DHRS7B: variants seen among roughly 807,000 people sequenced by gnomAD.
DHRS7B encodes the protein dehydrogenase/reductase 7B.
In DHRS7B, 24 loss-of-function variants were observed where a neutral mutation model predicts 26.4. That is an observed-to-expected ratio of 0.91 (90% CI 0.66 to 1.28). The LOEUF is 1.28. Among genes scored for constraint, DHRS7B ranks in the 50% most tolerant of loss-of-function variants. The pLI is 0.00. For missense variants in DHRS7B, 368 were observed against 419.4 expected (o/e 0.88, Z 1.07); for synonymous variants, 142 against 166.4 (o/e 0.85, Z 1.13).
At chr17:21,190,552 G>A (rs1189193241) in intron 6 of DHRS7B, among the ~76,000 whole-genome samples, 2 of 152,190 alleles carry the variant, frequency 1.3e-5, no homozygotes, top group African/African-American at 2.4e-5. Context: ...ATAGGCACAC[G>A]TTTCCCAGGT....
intron 1 of DHRS7B, chr17:21,168,627 C>T: frequency 1.3e-6 from 1 of 760,378 alleles, no homozygotes; most frequent in Non-Finnish European, 1.6e-6. Flanking sequence ...CCTCAGCCTC[C>T]CAAAGTGCTG....
intron 1 of DHRS7B, among the ~76,000 whole-genome samples, chr17:21,137,688 C>T (rs1055385857): frequency 6.6e-6 from 1 of 152,048 alleles, no homozygotes; most frequent in Non-Finnish European, 1.5e-5. Context: ...AACTCCCAAC[C>T]TCAGGTGATC....
chr17:21,140,382 A>T (rs555288293), intron 1 of DHRS7B, among the ~76,000 whole-genome samples: 2 of 152,006 alleles, frequency 1.3e-5, no homozygotes, highest in Non-Finnish European at 2.9e-5. Flanking sequence ...TTGCATGTTA[A>T]AGGAACCAAC....
intron 2 of DHRS7B, 184 bp downstream of exon 2, chr17:21,172,380 G>A: frequency 2.0e-6 from 1 of 498,628 alleles, no homozygotes; most frequent in Non-Finnish European, 3.3e-6. Context: ...AAGGCACAGT[G>A]AGAAATGACT....
At chr17:21,171,401 G>A (rs1016332942) in intron 1 of DHRS7B, among the ~76,000 whole-genome samples, 2 of 152,204 alleles carry the variant, frequency 1.3e-5, no homozygotes, top group Non-Finnish European at 2.9e-5. Flanking sequence ...CACGCTCACC[G>A]GCCGGAGCCC....
chr17:21,138,269 T>G (rs1460162108), intron 1 of DHRS7B, among the ~76,000 whole-genome samples: 1 of 126,792 alleles, frequency 7.9e-6, no homozygotes, highest in Non-Finnish European at 1.6e-5. Flanking sequence ...TACACTGGAG[T>G]GCAGTGGCGC....
chr17:21,166,799 C>T (rs1307579850), intron 1 of DHRS7B, among the ~76,000 whole-genome samples: 1 of 152,138 alleles, frequency 6.6e-6, no homozygotes, highest in Non-Finnish European at 1.5e-5. Context: ...GTTGGAACTC[C>T]TCTCTGCCCT....
chr17:21,191,320 C>T lies in DHRS7B; in HGVS notation c.*167C>T, dbSNP rs987203506. 5.5e-5 allele frequency: 37 copies of T among 673,750 alleles called. No homozygotes were observed. The highest frequency in any genetic ancestry group is 3.8e-4 in the South Asian group (20 of 52,306). 41.7% of individuals were successfully genotyped at this position (673,750 alleles called of 1,614,324 possible). ...TCTGCTGGCAGAGGACAATCAAAAACGACAACAAGCTTCTTCCCAGGGTGA... is the reference window on the plus strand; with the variant it reads ...TCTGCTGGCAGAGGACAATCAAAAATGACAACAAGCTTCTTCCCAGGGTGA... On this transcript the variant is annotated 3_prime_UTR_variant, in exon 7 of 7. Coordinates refer to ENST00000395511, the MANE Select transcript of DHRS7B (RefSeq NM_015510.5).
At chr17:21,156,562 A>C (rs1329332479) in intron 1 of DHRS7B, among the ~76,000 whole-genome samples, 1 of 142,928 alleles carries the variant, frequency 7.0e-6, no homozygotes, top group African/African-American at 2.6e-5. Context: ...CCAATATTGC[A>C]CCACTGCACT....
intron 1 of DHRS7B, among the ~76,000 whole-genome samples, chr17:21,144,441 A>G (rs1004959105): frequency 6.6e-6 from 1 of 152,192 alleles, no homozygotes; most frequent in Admixed American, 6.5e-5. Flanking sequence ...ATGCTGGACT[A>G]CCTTAGTTTA....
intron 1 of DHRS7B, among the ~76,000 whole-genome samples, chr17:21,160,036 A>T (rs1973967195): frequency 6.6e-6 from 1 of 152,058 alleles, no homozygotes; most frequent in Non-Finnish European, 1.5e-5. Context: ...CCTGGCCAAC[A>T]TGGTGAAACC....
At chr17:21,172,232 G>A (rs536471141) in intron 2 of DHRS7B, 36 bp downstream of exon 2, 1 of 1,582,148 alleles carries the variant, frequency 6.3e-7, no homozygotes. Context: ...GGGGGCGGGG[G>A]TAAGTCAGCC....
intron 1 of DHRS7B, among the ~76,000 whole-genome samples, chr17:21,170,933 C>T (rs1974226506): frequency 2.0e-5 from 3 of 152,148 alleles, no homozygotes; most frequent in Admixed American, 6.5e-5. Context: ...TTGCTCCAAG[C>T]TTATGAATAA....
chr17:21,127,064 G>A lies in DHRS7B; in HGVS notation c.20+73G>A, dbSNP rs367960380. 180 of 1,424,172 alleles carry A rather than the reference G, an allele frequency of 1.3e-4. 1 individual carries two copies. The African/African-American group carries it at 2.5e-3, about 20-fold the overall frequency. 88.2% of individuals were successfully genotyped at this position (1,424,172 alleles called of 1,614,324 possible). On this transcript the variant is annotated intron_variant, in intron 1 of 6. Transcript: ENST00000395511. Reference sequence around the variant, plus strand: ...GGCCTTGAGCTGAGGCGACGCCCCGGCTTGGGTGAGGGGAAGCGGTGTAGT... The same window carrying A: ...GGCCTTGAGCTGAGGCGACGCCCCGACTTGGGTGAGGGGAAGCGGTGTAGT...
chr17:21,150,474 G>A (rs183804062), intron 1 of DHRS7B, among the ~76,000 whole-genome samples: 22 of 152,180 alleles, frequency 1.4e-4, no homozygotes, highest in Middle Eastern at 3.4e-3. Flanking sequence ...AATATTATCC[G>A]GGCGTGGTGG....
chr17:21,184,841 C>G (rs1476995054), intron 5 of DHRS7B, among the ~76,000 whole-genome samples: 2 of 152,204 alleles, frequency 1.3e-5, no homozygotes, highest in Non-Finnish European at 2.9e-5. Flanking sequence ...TATAACCATG[C>G]CATCACTTTG....
At chr17:21,138,540 ACAAC>A (rs1973418640) in intron 1 of DHRS7B, among the ~76,000 whole-genome samples, 1 of 152,016 alleles carries the variant, frequency 6.6e-6, no homozygotes, top group Non-Finnish European at 1.5e-5. Flanking sequence ...TCCTTCTTAA[ACAAC>A]CAGTCATTTT....
At chr17:21,140,862 C>T (rs146139977) in intron 1 of DHRS7B, among the ~76,000 whole-genome samples, 30 of 152,230 alleles carry the variant, frequency 2.0e-4, no homozygotes, top group African/African-American at 7.0e-4. Context: ...CTCCTTTTCT[C>T]CTCATTCTTC....
chr17:21,183,687 T>C lies in DHRS7B; in HGVS notation c.403T>C (p.Tyr135His). The C allele has an allele frequency of 6.2e-7, 1 of 1,614,222 alleles. No homozygotes were observed. The highest frequency in any genetic ancestry group is 8.5e-7 in the Non-Finnish European group (1 of 1,180,036). The part of the protein sequence containing the change: ...AAAEILQCFG[Y>H]VDILVNNAGI... ...AGCTGAGATCCTGCAGTGCTTTGGC[T>C]ATGTCGACATACTTGTCAACAATGC... Residue 135 changes from tyrosine (Y) to histidine (H), a missense_variant, in exon 4 of 7, where the codon TAT (tyrosine) becomes CAT (histidine). Coordinates refer to ENST00000395511, the MANE Select transcript of DHRS7B (RefSeq NM_015510.5).
Sources: allele counts gnomAD v4.1 joint callset (sites outside exome capture counted in the v4.1 genomes callset), GRCh38; gene constraint gnomAD v4.1.1; transcripts MANE v1.5; gene names NCBI Gene and HGNC (gene_info 2026-07-23, HGNC 2026-07-21).